The following RBFOX1 variants were observed in gnomAD, a reference collection of about 807,000 sequenced individuals.
RBFOX1 encodes the protein RNA binding protein fox-1 homolog 1.
A neutral mutation model predicts 57.7 loss-of-function variants in RBFOX1; 8 were observed. The observed-to-expected ratio is 0.14, with a 90% CI of 0.08 to 0.25. The LOEUF is 0.25. Ranked by LOEUF, RBFOX1 falls within the 10% of genes least tolerant of loss-of-function variation. RBFOX1 has a pLI of 1.00. For missense variants in RBFOX1, 611 were observed against 548.5 expected (o/e 1.11, Z -1.14); for synonymous variants, 326 against 222.4 (o/e 1.47, Z -4.15).
At chr16:6,147,551 T>C (rs2096767886) in intron 1 of RBFOX1, among the ~76,000 whole-genome samples, 1 of 152,072 alleles carries the variant, frequency 6.6e-6, no homozygotes, top group African/African-American at 2.4e-5. Context: ...CAATAGGAGC[T>C]ACCTCAAAAA....
chr16:7,235,583 G>A (rs987268429), intron 4 of RBFOX1, among the ~76,000 whole-genome samples: 7 of 152,212 alleles, frequency 4.6e-5, no homozygotes, highest in African/African-American at 1.7e-4. Flanking sequence ...GGCAGTGGCT[G>A]CGTTTGCCCT....
intron 4 of RBFOX1, among the ~76,000 whole-genome samples, chr16:7,230,238 T>G (rs2152914728): frequency 6.6e-6 from 1 of 152,182 alleles, no homozygotes; most frequent in South Asian, 2.1e-4. Context: ...TGGGAAATGA[T>G]GACTAGTAAA....
intron 2 of RBFOX1, among the ~76,000 whole-genome samples, chr16:6,590,345 A>G (rs1157562058): frequency 1.3e-5 from 2 of 152,108 alleles, no homozygotes; most frequent in Non-Finnish European, 2.9e-5. Context: ...GGTGTCATTC[A>G]TTTTTGTTGT....
At chr16:6,335,537 T>C (rs1359741939) in intron 2 of RBFOX1, among the ~76,000 whole-genome samples, 1 of 151,930 alleles carries the variant, frequency 6.6e-6, no homozygotes, top group Non-Finnish European at 1.5e-5. Context: ...CCCAGCACTT[T>C]GGGAGGCCGA....
chr16:5,355,389 CTCTG>C (rs959051125), intron 1 of RBFOX1, among the ~76,000 whole-genome samples: 5 of 152,160 alleles, frequency 3.3e-5, no homozygotes, highest in African/African-American at 9.7e-5. Flanking sequence ...TGTGCCGTCC[CTCTG>C]TCTGCATCGT....
chr16:5,825,830 T>C (rs1363237764), intron 3 of RBFOX1, among the ~76,000 whole-genome samples: 1 of 144,242 alleles, frequency 6.9e-6, no homozygotes, highest in African/African-American at 2.5e-5. Context: ...TATTCCTTAA[T>C]ATGAATAAGG....
chr16:7,061,392 A>G (rs2054219018), intron 4 of RBFOX1, among the ~76,000 whole-genome samples: 1 of 152,238 alleles, frequency 6.6e-6, no homozygotes, highest in Admixed American at 6.5e-5. Context: ...TGATCAAGAA[A>G]TCAGCCAACT....
intron 4 of RBFOX1, among the ~76,000 whole-genome samples, chr16:7,068,175 T>C (rs1017766318): frequency 1.3e-5 from 2 of 152,078 alleles, no homozygotes; most frequent in African/African-American, 4.8e-5. Context: ...TATAATTCCA[T>C]TGGCAAAATC....
At chr16:6,522,994 C>T (rs1287003962) in intron 2 of RBFOX1, among the ~76,000 whole-genome samples, 1 of 152,168 alleles carries the variant, frequency 6.6e-6, no homozygotes, top group Non-Finnish European at 1.5e-5. Context: ...ATCTTTTAGG[C>T]ATCAAAGAAC....
intron 3 of RBFOX1, among the ~76,000 whole-genome samples, chr16:6,876,371 C>T (rs911113687): frequency 2.6e-4 from 39 of 152,052 alleles, no homozygotes; most frequent in Non-Finnish European, 2.4e-4. Flanking sequence ...ATATTAATAC[C>T]ATCCAACCCC....
chr16:6,881,035 C>T (rs1036856935), intron 3 of RBFOX1, among the ~76,000 whole-genome samples: 1 of 152,318 alleles, frequency 6.6e-6, no homozygotes, highest in South Asian at 2.1e-4. Flanking sequence ...CTCCACCTTC[C>T]CCTCCTATGC....
At chr16:6,659,998 A>T (rs1267196236) in intron 3 of RBFOX1, among the ~76,000 whole-genome samples, 1 of 152,062 alleles carries the variant, frequency 6.6e-6, no homozygotes, top group African/African-American at 2.4e-5. Flanking sequence ...TTGGAGGGTG[A>T]GGCGGCCTCC....
chr16:6,944,474 C>G (rs1328642556), intron 3 of RBFOX1, among the ~76,000 whole-genome samples: 1 of 151,732 alleles, frequency 6.6e-6, no homozygotes, highest in African/African-American at 2.4e-5. Context: ...CCTTACATGA[C>G]TTATCTCCAC....
At chr16:5,797,933 C>T (rs1405293624) in intron 3 of RBFOX1, among the ~76,000 whole-genome samples, 1 of 152,078 alleles carries the variant, frequency 6.6e-6, no homozygotes, top group African/African-American at 2.4e-5. Context: ...GGATGGGACA[C>T]CATAGAAGAG....
intron 1 of RBFOX1, among the ~76,000 whole-genome samples, chr16:5,437,553 G>A (rs867860610): frequency 3.9e-5 from 6 of 152,140 alleles, no homozygotes; most frequent in Non-Finnish European, 5.9e-5. Context: ...GAAGCTTAAT[G>A]TCTAATGGAT....
At chr16:6,249,693 T>G (rs17139676) in intron 1 of RBFOX1, among the ~76,000 whole-genome samples, 19,511 of 151,492 alleles carry the variant, frequency 0.13, 1,383 homozygotes, top group Middle Eastern at 0.3. Context: ...TGCCAAGTGA[T>G]GACATGATTT....
At chr16:7,345,600 G>C (rs2145591984) in intron 4 of RBFOX1, among the ~76,000 whole-genome samples, 1 of 152,244 alleles carries the variant, frequency 6.6e-6, no homozygotes, top group South Asian at 2.1e-4. Flanking sequence ...CCATCATACA[G>C]AACGCCAGTC....
At chr16:7,335,838 C>T (rs1003743138) in intron 4 of RBFOX1, among the ~76,000 whole-genome samples, 2 of 152,124 alleles carry the variant, frequency 1.3e-5, no homozygotes, top group Non-Finnish European at 2.9e-5. Flanking sequence ...TTTATGTCTA[C>T]ACTTGTTGTG....
intron 3 of RBFOX1, among the ~76,000 whole-genome samples, chr16:6,776,191 C>G (rs1006945637): frequency 6.6e-6 from 1 of 151,996 alleles, no homozygotes; most frequent in East Asian, 1.9e-4. Flanking sequence ...GCAGACAGAT[C>G]ACTAGGTCGG....
Sources: allele counts gnomAD v4.1 joint callset (sites outside exome capture counted in the v4.1 genomes callset), GRCh38; gene constraint gnomAD v4.1.1; transcripts MANE v1.5; gene names NCBI Gene and HGNC (gene_info 2026-07-23, HGNC 2026-07-21).